COG4: variants seen among roughly 807,000 people sequenced by gnomAD.
The protein encoded by COG4 is conserved oligomeric Golgi complex subunit 4.
Under a neutral mutation model 95.1 loss-of-function variants are expected in COG4, and 65 were observed. The observed-to-expected ratio is 0.68, with a 90% confidence interval of 0.56 to 0.84. The LOEUF (loss-of-function observed/expected upper bound fraction) is 0.84, where lower values mean the gene tolerates loss of function less well. Ranked by LOEUF, COG4 falls within the 40% of genes least tolerant of loss-of-function variation. The pLI is 0.00. For synonymous variants in COG4, 421 were observed against 374.8 expected, an observed-to-expected ratio of 1.12 and a Z score of -1.42; for missense variants, 1,045 against 989.1, an observed-to-expected ratio of 1.06 and a Z score of -0.76.
At chr16:70,512,717 T>C (rs1567393276) in intron 4 of COG4, among the ~76,000 whole-genome samples, 8 of 152,196 alleles carry the variant, frequency 5.3e-5, no homozygotes. Context: ...CGGTGGCTCA[T>C]GCCTGTAATC....
chr16:70,515,963 C>T (rs1418348922), intron 3 of COG4: 4 of 455,670 alleles, frequency 8.8e-6, no homozygotes, highest in Non-Finnish European at 1.8e-5. Context: ...GCCACCACAC[C>T]TGGCCAGCTG....
rs201335502 is a variant in COG4, at chr16:70,492,964, CA to C, written c.1648-2573del. Among the ~76,000 whole-genome samples, 92 of 146,642 alleles carry C rather than the reference CA, an allele frequency of 6.3e-4. 1 individual carries two copies. Among genetic ancestry groups the C allele is most frequent in the African/African-American group, 2.0e-3 (80 of 40,104 alleles). ...GGCAACAAGAACGAAACTCCATCTCCAAAAAAAAAAGTAGCATGGGGCAAAA... is the reference window on the plus strand; with the variant it reads ...GGCAACAAGAACGAAACTCCATCTCCAAAAAAAAAGTAGCATGGGGCAAAA... On this transcript the variant is annotated intron_variant, in intron 12 of 18. Transcript: ENST00000323786.
intron 13 of COG4, among the ~76,000 whole-genome samples, chr16:70,486,130 T>C (rs142582923): frequency 0.014 from 2,086 of 144,670 alleles, 50 homozygotes; most frequent in African/African-American, 0.049. Context: ...CTCCTGACCT[T>C]GTGATCCGCC....
In COG4 at chr16:70,482,164, A is replaced by C. The variant is rs779875634; in HGVS notation, c.1932T>G (p.Asn644Lys). 2 of 1,612,686 alleles carry C rather than the reference A, an allele frequency of 1.2e-6. No individual in the cohort carries two copies. The highest frequency in any genetic ancestry group is 1.7e-6 in the Non-Finnish European group (2 of 1,178,740). Residue 644 changes from asparagine (N) to lysine (K), a missense_variant, in exon 16 of 19, where the codon AAT (asparagine) becomes AAG (lysine). Coordinates refer to ENST00000323786, the MANE Select transcript of COG4 (RefSeq NM_015386.3). Reference sequence around the variant, plus strand: ...CCCAAGGGTCGTTGGCCTCATAGTCATTGAATTCTTCCTGTTGTCAGGAAG... The same window carrying C: ...CCCAAGGGTCGTTGGCCTCATAGTCCTTGAATTCTTCCTGTTGTCAGGAAG... ...VSHNIEEEEF[N>K]DYEANDPWVQ... is the part of the protein sequence containing the mutation.
At chr16:70,516,132 G>C (rs2049817799) in intron 3 of COG4, 2 of 448,386 alleles carry the variant, frequency 4.5e-6, no homozygotes, top group South Asian at 1.6e-5. Context: ...TATTAATATG[G>C]TGTATTATTA....
At chr16:70,490,504 G>A in intron 12 of COG4, 112 bp from the exon 13 acceptor site, 3 of 865,048 alleles carry the variant, frequency 3.5e-6, no homozygotes, top group Non-Finnish European at 5.9e-6. Flanking sequence ...AGGGCTGGCT[G>A]GAGTTCAGAC....
At chr16:70,508,354 A>G (rs943985617) in intron 8 of COG4, 52 bp downstream of exon 8, 1 of 1,420,458 alleles carries the variant, frequency 7.0e-7, no homozygotes, top group Non-Finnish European at 1.0e-6. Flanking sequence ...ATTATATTAC[A>G]TGATTACCAA....
intron 9 of COG4, among the ~76,000 whole-genome samples, chr16:70,498,510 TAG>T (rs1470576208): frequency 5.9e-5 from 9 of 152,208 alleles, no homozygotes; most frequent in African/African-American, 1.2e-4. Flanking sequence ...GTATTTTTAG[TAG>T]AGACAGGGTT....
chr16:70,505,541 A>G (rs2049546330), intron 8 of COG4, among the ~76,000 whole-genome samples: 1 of 150,792 alleles, frequency 6.6e-6, no homozygotes, highest in Non-Finnish European at 1.5e-5. Context: ...TTATTGTAAA[A>G]AAGTAGGCTG....
intron 8 of COG4, among the ~76,000 whole-genome samples, chr16:70,507,544 T>C (rs971636433): frequency 3.3e-5 from 5 of 152,104 alleles, no homozygotes; most frequent in African/African-American, 1.2e-4. Flanking sequence ...GGAAATCGTC[T>C]AATGATGTAT....
At chr16:70,484,756 G>A (rs2049092701) in intron 13 of COG4, among the ~76,000 whole-genome samples, 2 of 152,146 alleles carry the variant, frequency 1.3e-5, no homozygotes, top group African/African-American at 4.8e-5. Flanking sequence ...AGAATTAGCT[G>A]GATGTAGTGG....
chr16:70,503,721 A>G (rs965478292), intron 8 of COG4, among the ~76,000 whole-genome samples: 1 of 137,670 alleles, frequency 7.3e-6, no homozygotes, highest in Non-Finnish European at 1.5e-5. Flanking sequence ...CAGCCTCCCG[A>G]GTAGCTGGGA....
rs772867715 is a variant in COG4 at position 70,523,467 on chromosome 16, C to T, written c.77G>A (p.Gly26Asp). Residue 26 changes from glycine (G) to aspartate (D), a missense_variant, in exon 1 of 19, where the codon GGT becomes GAT. By Grantham distance (94) the Gly-to-Asp change is moderately conservative (BLOSUM62 -1). Transcript: ENST00000323786. ...AGCGGAGATTTCGGAGCAGCGGCCA[C>T]CTCCCACCCCCTCAGACGGCTGCTG... ...GVQQPSEGVG[G>D]GRCSEISAEL... 6.8e-6 allele frequency: 11 copies of T among 1,613,942 alleles called. No homozygotes were observed. The South Asian group carries it at 1.2e-4, about 18-fold the overall frequency.
chr16:70,511,013 C>T (rs981656877), intron 5 of COG4, among the ~76,000 whole-genome samples: 1 of 152,202 alleles, frequency 6.6e-6, no homozygotes, highest in Non-Finnish European at 1.5e-5. Context: ...GATCCACCCG[C>T]CTCAGCCTCC....
At chr16:70,495,746 A>T (rs2049327655) in intron 12 of COG4, among the ~76,000 whole-genome samples, 1 of 152,250 alleles carries the variant, frequency 6.6e-6, no homozygotes, top group African/African-American at 2.4e-5. Flanking sequence ...AAGCTGTCAC[A>T]CAATGGAAGG....
chr16:70,510,591 T>C (rs1343350740), intron 5 of COG4, among the ~76,000 whole-genome samples: 5 of 152,026 alleles, frequency 3.3e-5, no homozygotes. Context: ...TCCCAAAGTG[T>C]TGGAATTACA....
At chr16:70,490,218 G>T in intron 13 of COG4, 112 bp downstream of exon 13, 1 of 886,580 alleles carries the variant, frequency 1.1e-6, no homozygotes, top group Non-Finnish European at 1.9e-6. Context: ...ATCCCCTCAA[G>T]TGTGGCTCAA....
At chr16:70,515,616 G>A (rs1444392459) in intron 3 of COG4, among the ~76,000 whole-genome samples, 1 of 152,106 alleles carries the variant, frequency 6.6e-6, no homozygotes, top group Non-Finnish European at 1.5e-5. Context: ...CCCAGGAGGT[G>A]GAGGTTGCAC....
intron 8 of COG4, among the ~76,000 whole-genome samples, chr16:70,506,406 TA>T (rs983808448): frequency 7.0e-6 from 1 of 142,102 alleles, no homozygotes; most frequent in African/African-American, 2.6e-5. Context: ...CCGTCTAAAT[TA>T]AAAAAAACCT....
Sources: gnomAD v4.1 joint callset for allele counts (sites outside exome capture counted in the v4.1 genomes callset) on GRCh38, gnomAD v4.1.1 for gene constraint, MANE v1.5 for transcripts, NCBI Gene and HGNC (gene_info 2026-07-23, HGNC 2026-07-21) for gene names.